Variants in RAX observed in about 807,000 individuals in gnomAD.
RAX encodes retinal homeobox protein Rx.
In RAX, 11 loss-of-function variants were observed where a neutral mutation model predicts 17.4. That is an observed-to-expected ratio of 0.63 (90% CI 0.40 to 1.05). The LOEUF is 1.05. Among genes scored for constraint, RAX ranks in the 50% least tolerant of loss-of-function variants. The pLI is 0.00. For synonymous variants in RAX, 276 were observed against 254.7 expected (o/e 1.08, Z -0.80); for missense variants, 527 against 501.1 (o/e 1.05, Z -0.49).
rs1157405572 is a variant in RAX at position 59,269,187 on chromosome 18, G to A, written c.858C>T (p.Ser286=). 6.5e-7 allele frequency: 1 copy of A among 1,548,898 alleles called. No homozygotes were observed. The change falls in exon 3 of 3, where the codon TCC becomes TCT. Residue 286 remains serine (S), a synonymous_variant. Transcript: ENST00000334889. The part of the protein sequence containing the change: ...PPPPPPPFLN[S]PPLGPGLQPL... ...GTTGCAGGCCGGGGCCCAACGGCGG[G>A]GAGTTCAGGAAGGGCGGAGGCGGCG...
rs1407345296 is a variant in RAX at position 59,269,157 on chromosome 18, G to C, written c.888C>G (p.Leu296=). The C allele has an allele frequency of 1.9e-6, 3 of 1,580,466 alleles. No homozygotes were observed. The highest frequency in any genetic ancestry group is 1.8e-5 in the Admixed American group (1 of 56,194). The change falls in exon 3 of 3, where the codon CTC becomes CTG. Residue 296 remains leucine (L), a synonymous_variant. Coordinates refer to ENST00000334889, the MANE Select transcript of RAX (RefSeq NM_013435.3). ...SPPLGPGLQP[L]APPPPSYPCG... ...ACGGGTAGGAGGGCGGCGGCGGCGC[G>C]AGAGGTTGCAGGCCGGGGCCCAACG...
chr18:59,272,302 G>C, intron 2 of RAX, 59 bp downstream of exon 2: 1 of 1,611,440 alleles, frequency 6.2e-7, no homozygotes, highest in South Asian at 1.1e-5. Flanking sequence ...GAGAAGCATT[G>C]GCTGCAATTT....
rs974720650 is a variant in RAX, at chr18:59,273,316, G to C, written c.-110C>G. On this transcript the variant is annotated 5_prime_UTR_variant, in exon 1 of 3. Transcript: ENST00000334889. ...CCGACGGGTCCCGACCCTAGGTCAA[G>C]CTCCGCGGGCGAAGCCCGCCCGGGC... The C allele has an allele frequency of 1.4e-4, 168 of 1,178,088 alleles. No individual in the cohort carries two copies. The African/African-American group carries it at 2.5e-3, about 17-fold the overall frequency. The allele number at this position is 1,178,088 out of a possible 1,614,324, so 73.0% of individuals were successfully genotyped here. A position where few individuals can be genotyped will look rare whatever the true frequency, so the allele number is the denominator to read the frequency against.
In RAX at chr18:59,268,744, G is replaced by A. The variant is rs1472929875; in HGVS notation, c.*260C>T. The A allele has an allele frequency of 3.9e-5, 23 of 595,312 alleles. No individual in the cohort carries two copies. Among genetic ancestry groups the A allele is most frequent in the Non-Finnish European group, 5.8e-5 (20 of 347,446 alleles). The allele number at this position is 595,312 out of a possible 1,614,324, so 36.9% of individuals were successfully genotyped here. A position where few individuals can be genotyped will look rare whatever the true frequency, so the allele number is the denominator to read the frequency against. On this transcript the variant is annotated 3_prime_UTR_variant, in exon 3 of 3. Transcript: ENST00000334889. The surrounding 1 kb of genome is among the most constrained non-coding windows in gnomAD (Gnocchi z 4.4). Reference sequence around the variant, plus strand: ...GGAGCGGCGTGGCCAGCGGGGCCCGGCAGCCTGTTGCCCTCCAGCTGCAGG... The same window carrying A: ...GGAGCGGCGTGGCCAGCGGGGCCCGACAGCCTGTTGCCCTCCAGCTGCAGG...
rs78384549 is a variant in RAX at position 59,267,685 on chromosome 18, G to A, written c.*1319C>T. Reference sequence around the variant, plus strand: ...TGGCGGGCATCCAGGTTCTGCTGGCGGTCGCCCAGCTTCCAGTGTCAACGG... The same window carrying A: ...TGGCGGGCATCCAGGTTCTGCTGGCAGTCGCCCAGCTTCCAGTGTCAACGG... On this transcript the variant is annotated 3_prime_UTR_variant, in exon 3 of 3. Coordinates refer to ENST00000334889, the MANE Select transcript of RAX (RefSeq NM_013435.3). 23,416 of 148,648 alleles carry A rather than the reference G, an allele frequency of 0.16. 2,299 individuals are homozygous for A. Among genetic ancestry groups the A allele is most frequent in the Admixed American group, 0.26 (3,794 of 14,794 alleles). 9.2% of individuals were successfully genotyped at this position (148,648 alleles called of 1,614,324 possible). A position where few individuals can be genotyped will look rare whatever the true frequency, so the allele number is the denominator to read the frequency against.
At position 59,272,449 on chromosome 18, in the gene RAX, T is replaced by C. The variant is rs2070345672; in HGVS notation, c.455A>G (p.Glu152Gly). 6.2e-7 allele frequency: 1 copy of C among 1,614,076 alleles called. No homozygotes were observed. The highest frequency in any genetic ancestry group is 1.7e-5 in the Admixed American group (1 of 60,016). The change falls in exon 2 of 3, where the codon GAG (glutamate) becomes GGG (glycine). Residue 152 changes from glutamate (E) to glycine (G), a missense_variant. Glu to Gly is a moderately conservative substitution (Grantham distance 98, BLOSUM62 -2). Transcript: ENST00000334889. The part of the protein sequence containing the change: ...TFTTYQLHEL[E>G]RAFEKSHYPD... ...GTAGTGGGACTTCTCGAACGCGCGC[T>C]CCAGCTCATGCAGCTGGTACGTGGT...
chr18:59,273,371 G>A lies in RAX; in HGVS notation c.-165C>T. ...CACGCTGGGGGTGGCCGAGCGCTCA[G>A]CCCGCTGCCGCCTTAGTCCCAGAAG... On this transcript the variant is annotated 5_prime_UTR_variant, in exon 1 of 3. Coordinates refer to ENST00000334889, the MANE Select transcript of RAX (RefSeq NM_013435.3). 1 of 698,478 alleles carries A rather than the reference G, an allele frequency of 1.4e-6. No homozygotes were observed. Among genetic ancestry groups the A allele is most frequent in the South Asian group, 2.2e-5 (1 of 45,832 alleles). 43.3% of individuals were successfully genotyped at this position (698,478 alleles called of 1,614,324 possible). A position where few individuals can be genotyped will look rare whatever the true frequency, so the allele number is the denominator to read the frequency against.
intron 2 of RAX, among the ~76,000 whole-genome samples, chr18:59,270,576 T>C (rs887109035): frequency 5.9e-5 from 9 of 152,198 alleles, no homozygotes; most frequent in African/African-American, 2.2e-4. Flanking sequence ...TCAGCCAAAC[T>C]GGTGGCTTTA....
chr18:59,272,393 C>G lies in RAX; in HGVS notation c.511G>C (p.Gly171Arg), dbSNP rs61735442. 70 of 1,614,234 alleles carry G rather than the reference C, an allele frequency of 4.3e-5. No homozygotes were observed. In the African/African-American group the frequency reaches 7.2e-4, roughly 17 times the overall value. The change falls in exon 2 of 3, where the codon GGC becomes CGC. Residue 171 changes from glycine (G) to arginine (R), a missense_variant. By Grantham distance (125) the Gly-to-Arg change is moderately radical. Transcript: ENST00000334889. ...CGGACCTCTGGTAGGTTGACCTTGC[C>G]GGCCAGCTCCTCGCGGCTGTACACG... ...PDVYSREELA[G>R]KVNLPEVRVQ...
At position 59,271,178 on chromosome 18, in the gene RAX, G is replaced by A. The variant is rs1267915294; in HGVS notation, c.543+1183C>T. On this transcript the variant is annotated intron_variant, in intron 2 of 2. Transcript: ENST00000334889. The stretch of plus-strand genomic sequence containing the variant: ...AAGAATCTCACAACTTAGAGGAGAA[G>A]CCAAAACTCCTGAACAAGTAATGAG... Among the ~76,000 whole-genome samples the A allele has an allele frequency of 2.6e-5, 4 of 152,208 alleles. No homozygotes were observed. In the East Asian group the frequency reaches 5.8e-4, roughly 22 times the overall value.
Position 59,273,003 on chromosome 18 carries a change from G to C in RAX, c.204C>G (p.Gly68=), listed in dbSNP as rs1473055239. ...GCGCCTTGGGGCAGGCGGGCCGCGC[G>C]CCCAGCCTCCTATCCCGCTCCTTCG... The part of the protein sequence containing the change: ...RGAKERDRRL[G]ARPACPKAPE... Residue 68 remains glycine (G), a synonymous_variant, in exon 1 of 3, where the codon GGC becomes GGG. Transcript: ENST00000334889. 1 of 1,526,214 alleles carries C rather than the reference G, an allele frequency of 6.6e-7. No individual in the cohort carries two copies. Among genetic ancestry groups the C allele is most frequent in the African/African-American group, 1.4e-5 (1 of 71,206 alleles). The allele number at this position is 1,526,214 out of a possible 1,614,324, so 94.5% of individuals were successfully genotyped here. A position where few individuals can be genotyped will look rare whatever the true frequency, so the allele number is the denominator to read the frequency against.
chr18:59,272,337 A>G, intron 2 of RAX, 24 bp downstream of exon 2: 1 of 1,614,160 alleles, frequency 6.2e-7, no homozygotes, highest in Middle Eastern at 1.6e-4. Flanking sequence ...CCCAGATCCC[A>G]GTTCCTCAAC....
Position 59,273,295 on chromosome 18 carries a change from C to CG in RAX, c.-90dup. 1 of 1,362,386 alleles carries CG rather than the reference C, an allele frequency of 7.3e-7. No individual in the cohort carries two copies. Among genetic ancestry groups the CG allele is most frequent in the Non-Finnish European group, 9.8e-7 (1 of 1,024,362 alleles). The allele number at this position is 1,362,386 out of a possible 1,614,324, so 84.4% of individuals were successfully genotyped here. A position where few individuals can be genotyped will look rare whatever the true frequency, so the allele number is the denominator to read the frequency against. On this transcript the variant is annotated 5_prime_UTR_variant, in exon 1 of 3. Coordinates refer to ENST00000334889, the MANE Select transcript of RAX (RefSeq NM_013435.3). Reference sequence around the variant, plus strand: ...TCCCGAGTGCGGCGGTGCAACCCGACGGGTCCCGACCCTAGGTCAAGCTCC... The same window carrying CG: ...TCCCGAGTGCGGCGGTGCAACCCGACGGGGTCCCGACCCTAGGTCAAGCTCC...
In RAX at chr18:59,267,631, G is replaced by GGGCCC. The variant is rs2070290422; in HGVS notation, c.*1372_*1373insGGGCC. On this transcript the variant is annotated 3_prime_UTR_variant, in exon 3 of 3. Transcript: ENST00000334889. ...TAGGGACGGGGGTTGTGGGGTGGACGCCCCCCCCCCCCCCGTGCCAGGACC... is the reference window on the plus strand; with the variant it reads ...TAGGGACGGGGGTTGTGGGGTGGACGGGCCCCCCCCCCCCCCCCCGTGCCAGGACC... 1.1e-5 allele frequency: 1 copy of GGGCCC among 88,722 alleles called. No individual in the cohort carries two copies. Among genetic ancestry groups the GGGCCC allele is most frequent in the Admixed American group, 1.3e-4 (1 of 7,540 alleles). The allele number at this position is 88,722 out of a possible 1,614,324, so 5.5% of individuals were successfully genotyped here. A position where few individuals can be genotyped will look rare whatever the true frequency, so the allele number is the denominator to read the frequency against.
rs566587226 is a variant in RAX, at chr18:59,272,724, C to T, written c.290-110G>A. On this transcript the variant is annotated intron_variant, in intron 1 of 2. Coordinates refer to ENST00000334889, the MANE Select transcript of RAX (RefSeq NM_013435.3). The stretch of plus-strand genomic sequence containing the variant: ...CCCGCCTGCGGGCTCCGAGATGGCC[C>T]GGGGAGGTCCGTGGTGAGGGCGGCG... The T allele has an allele frequency of 1.1e-4, 154 of 1,435,626 alleles. 1 individual carries two copies. In the South Asian group the frequency reaches 1.9e-3, roughly 17 times the overall value. The allele number at this position is 1,435,626 out of a possible 1,614,324, so 88.9% of individuals were successfully genotyped here.
Position 59,272,963 on chromosome 18 carries a change from C to T in RAX, c.244G>A (p.Glu82Lys), listed in dbSNP as rs1303613515. 9 of 1,520,024 alleles carry T rather than the reference C, an allele frequency of 5.9e-6. No homozygotes were observed. In the Admixed American group the frequency reaches 6.0e-5, roughly 10 times the overall value. The allele number at this position is 1,520,024 out of a possible 1,614,324, so 94.2% of individuals were successfully genotyped here. The change falls in exon 1 of 3, where the codon GAG becomes AAG. Residue 82 changes from glutamate (E) to lysine (K), a missense_variant. Coordinates refer to ENST00000334889, the MANE Select transcript of RAX (RefSeq NM_013435.3). ...ACPKAPEEGSEPSPPPAPAPA... is the reference protein window; with the variant it reads ...ACPKAPEEGSKPSPPPAPAPA... ...GCCGGGGCTGGCGGCGGGGAGGGCT[C>T]GGAGCCTTCCTCGGGCGCCTTGGGG...
chr18:59,268,788 C>A lies in RAX; in HGVS notation c.*216G>T. ...CTGCAGGGCTGAGGTCCGCGAAGTG[C>A]GTTGAGGCGGCCAGAGGGCCTCTCC... On this transcript the variant is annotated 3_prime_UTR_variant, in exon 3 of 3. Coordinates refer to ENST00000334889, the MANE Select transcript of RAX (RefSeq NM_013435.3). The surrounding 1 kb of genome is among the most constrained non-coding windows in gnomAD (Gnocchi z 4.4). 1.3e-6 allele frequency: 1 copy of A among 761,786 alleles called. No individual in the cohort carries two copies. The highest frequency in any genetic ancestry group is 2.1e-6 in the Non-Finnish European group (1 of 486,716). 47.2% of individuals were successfully genotyped at this position (761,786 alleles called of 1,614,324 possible).
rs747828325 is a variant in RAX at position 59,269,511 on chromosome 18, A to G, written c.544-10T>C. 2.5e-6 allele frequency: 4 copies of G among 1,595,234 alleles called. No individual in the cohort carries two copies. The highest frequency in any genetic ancestry group is 4.5e-5 in the East Asian group (2 of 44,662). The stretch of plus-strand genomic sequence containing the variant: ...GGTTCTGGAACCACACCTGCAGGAG[A>G]GAGCACAGGGGCCGTCGGGCAGCAG... On this transcript the variant is annotated splice_polypyrimidine_tract_variant and intron_variant, in intron 2 of 2. Coordinates refer to ENST00000334889, the MANE Select transcript of RAX (RefSeq NM_013435.3).
rs1325218884 is a variant in RAX at position 59,267,641 on chromosome 18, C to CA, written c.*1362_*1363insT. The CA allele has an allele frequency of 2.3e-4, 34 of 148,106 alleles. 1 individual carries two copies. The highest frequency in any genetic ancestry group is 7.4e-4 in the African/African-American group (30 of 40,346). The allele number at this position is 148,106 out of a possible 1,614,324, so 9.2% of individuals were successfully genotyped here. On this transcript the variant is annotated 3_prime_UTR_variant, in exon 3 of 3. Coordinates refer to ENST00000334889, the MANE Select transcript of RAX (RefSeq NM_013435.3). Reference sequence around the variant, plus strand: ...GGTTGTGGGGTGGACGCCCCCCCCCCCCCCGTGCCAGGACCTGTTGGCGGG... The same window carrying CA: ...GGTTGTGGGGTGGACGCCCCCCCCCCACCCCGTGCCAGGACCTGTTGGCGGG...
Sources: gnomAD v4.1 joint callset for allele counts (sites outside exome capture counted in the v4.1 genomes callset) on GRCh38, gnomAD v4.1.1 for gene constraint, Gnocchi (gnomAD v3.1) non-coding constraint, MANE v1.5 for transcripts, NCBI Gene and HGNC (gene_info 2026-07-23, HGNC 2026-07-21) for gene names.